RIMS2: variants seen among roughly 807,000 people sequenced by gnomAD.
The protein encoded by RIMS2 is regulating synaptic membrane exocytosis 2.
In RIMS2, 59 loss-of-function variants were observed where a neutral mutation model predicts 174.4. The observed-to-expected ratio is 0.34, with a 90% CI of 0.27 to 0.42. The LOEUF (loss-of-function observed/expected upper bound fraction) is 0.42. Among genes scored for constraint, RIMS2 ranks in the 10% least tolerant of loss-of-function variants. The pLI is 1.00. For synonymous variants in RIMS2, 606 were observed against 572.5 expected, an observed-to-expected ratio of 1.06 and a Z score of -0.84; for missense variants, 1,620 against 1,666.3, an observed-to-expected ratio of 0.97 and a Z score of 0.48.
intron 1 of RIMS2, among the ~76,000 whole-genome samples, chr8:103,619,151 C>T (rs1233447061): frequency 6.8e-6 from 1 of 146,904 alleles, no homozygotes; most frequent in East Asian, 2.0e-4. Flanking sequence ...AGAGAAAAAG[C>T]TCTCAAGTAA....
intron 2 of RIMS2, among the ~76,000 whole-genome samples, chr8:103,714,101 T>C (rs549724399): frequency 6.6e-6 from 1 of 152,298 alleles, no homozygotes; most frequent in East Asian, 1.9e-4. Flanking sequence ...AATCTAGTAC[T>C]CTCAAAAGTG....
chr8:103,916,005 A>T (rs1424621002), intron 7 of RIMS2, among the ~76,000 whole-genome samples: 1 of 151,962 alleles, frequency 6.6e-6, no homozygotes, highest in African/African-American at 2.4e-5. Flanking sequence ...ATTTGATAAT[A>T]TACTAATTAT....
At chr8:103,847,845 C>T (rs1370443504) in intron 3 of RIMS2, among the ~76,000 whole-genome samples, 1 of 152,036 alleles carries the variant, frequency 6.6e-6, no homozygotes, top group East Asian at 1.9e-4. Context: ...ACATGCTTGC[C>T]TACATATCTG....
exon 6 of RIMS2, chr8:103,912,107 T>C (rs755178759): frequency 6.2e-7 from 1 of 1,607,734 alleles, no homozygotes; most frequent in Admixed American, 1.7e-5. Flanking sequence ...TGGTCGCATT[T>C]TATTAAATAA....
chr8:103,551,751 G>A (rs183616546), intron 1 of RIMS2, among the ~76,000 whole-genome samples: 1,757 of 152,246 alleles, frequency 0.012, 19 homozygotes, highest in Non-Finnish European at 0.02. Flanking sequence ...CTTCAGCAAA[G>A]TCTCAGGATA....
intron 14 of RIMS2, 38 bp downstream of exon 16, chr8:103,942,964 T>C: frequency 6.5e-7 from 1 of 1,529,246 alleles, no homozygotes; most frequent in East Asian, 2.3e-5. Context: ...TTTTATTGTA[T>C]TTTCCTAATC....
rs115131638 is a variant in RIMS2 at position 103,952,732 on chromosome 8, G to A, written c.2702-8333G>A. The stretch of plus-strand genomic sequence containing the variant: ...TTCAAAGGATCACAACTCCTTGCCA[G>A]CAAGGGAACTAAACTGGATAGAGAA... On this transcript the variant is annotated intron_variant, in intron 14 of 23. Coordinates refer to ENST00000504942, the Ensembl canonical transcript of RIMS2. Among the ~76,000 whole-genome samples the A allele has an allele frequency of 3.3e-3, 509 of 152,240 alleles. 2 individuals are homozygous for A. Among genetic ancestry groups the A allele is most frequent in the African/African-American group, 0.012 (483 of 41,542 alleles).
At chr8:104,079,614 T>C (rs922725310) in intron 19 of RIMS2, among the ~76,000 whole-genome samples, 4 of 122,682 alleles carry the variant, frequency 3.3e-5, no homozygotes, top group African/African-American at 6.3e-5. Context: ...TATATATATA[T>C]ATATATATAT....
chr8:104,033,948 G>C (rs2096456194), intron 19 of RIMS2, among the ~76,000 whole-genome samples: 1 of 152,084 alleles, frequency 6.6e-6, no homozygotes, highest in Non-Finnish European at 1.5e-5. Flanking sequence ...TTATGTTTAA[G>C]TGCATTTATG....
intron 3 of RIMS2, among the ~76,000 whole-genome samples, chr8:103,801,241 C>A (rs552631778): frequency 6.6e-6 from 1 of 152,214 alleles, no homozygotes; most frequent in Non-Finnish European, 1.5e-5. Context: ...CCCGCCTCCG[C>A]CTCCCAAAGT....
chr8:104,088,608 A>G (rs1335045052), intron 19 of RIMS2, among the ~76,000 whole-genome samples: 1 of 152,020 alleles, frequency 6.6e-6, no homozygotes, highest in Non-Finnish European at 1.5e-5. Flanking sequence ...TGTTTTGTAC[A>G]ATAAATGGTT....
intron 1 of RIMS2, among the ~76,000 whole-genome samples, chr8:103,545,076 T>A (rs72677653): frequency 0.18 from 26,747 of 152,044 alleles, 2,549 homozygotes; most frequent in African/African-American, 0.23. Context: ...GAATTCAGAA[T>A]GTGAATAGGA....
At chr8:103,888,849 G>A (rs2099224163) in intron 4 of RIMS2, among the ~76,000 whole-genome samples, 3 of 151,434 alleles carry the variant, frequency 2.0e-5, no homozygotes. Flanking sequence ...TTGAAGATAG[G>A]CCTCTGTCTC....
intron 4 of RIMS2, among the ~76,000 whole-genome samples, chr8:103,908,447 T>C (rs2074978064): frequency 6.6e-6 from 1 of 152,200 alleles, no homozygotes; most frequent in Admixed American, 6.5e-5. Flanking sequence ...TTCTCAGATG[T>C]ACATTTTTAT....
intron 3 of RIMS2, among the ~76,000 whole-genome samples, chr8:103,766,905 G>A (rs1029335108): frequency 1.2e-4 from 18 of 152,204 alleles, no homozygotes; most frequent in African/African-American, 3.9e-4. Flanking sequence ...TTGGAAGTGG[G>A]AGTTAAGGTA....
At chr8:103,537,925 T>C (rs1840595960) in intron 1 of RIMS2, among the ~76,000 whole-genome samples, 1 of 152,118 alleles carries the variant, frequency 6.6e-6, no homozygotes, top group African/African-American at 2.4e-5. Flanking sequence ...GGCCATGTGA[T>C]ACATTTTGGT....
chr8:103,860,173 C>T (rs1446408924), intron 3 of RIMS2, among the ~76,000 whole-genome samples: 4 of 152,112 alleles, frequency 2.6e-5, no homozygotes, highest in African/African-American at 9.7e-5. Flanking sequence ...TAATAATATT[C>T]TCAAATTTAT....
chr8:104,118,083 AG>A (rs1253465273), intron 19 of RIMS2, among the ~76,000 whole-genome samples: 3 of 152,324 alleles, frequency 2.0e-5, no homozygotes, highest in Admixed American at 1.3e-4. Flanking sequence ...AATTATGAGA[AG>A]GGAGTAAAAA....
At chr8:103,991,587 C>T (rs1193049180) in intron 17 of RIMS2, among the ~76,000 whole-genome samples, 1 of 151,818 alleles carries the variant, frequency 6.6e-6, no homozygotes, top group Non-Finnish European at 1.5e-5. Flanking sequence ...GCATTTTAAT[C>T]AATAATAATG....
Sources: allele counts gnomAD v4.1 joint callset (sites outside exome capture counted in the v4.1 genomes callset), GRCh38; gene constraint gnomAD v4.1.1; transcripts MANE v1.5; gene names NCBI Gene and HGNC (gene_info 2026-07-23, HGNC 2026-07-21).